MEAF6: variants seen among roughly 807,000 people sequenced by gnomAD.
MEAF6 encodes the protein chromatin modification-related protein MEAF6.
A neutral mutation model predicts 28.9 loss-of-function variants in MEAF6; 15 were observed. That is an observed-to-expected ratio of 0.52 (90% CI 0.35 to 0.80). The LOEUF is 0.80. MEAF6 is among the 30% of genes least tolerant of loss of function. MEAF6 has a pLI of 0.01. For synonymous variants in MEAF6, 97 were observed against 88.7 expected (o/e 1.09, Z -0.53); for missense variants, 178 against 237.5 (o/e 0.75, Z 1.65).
intron 4 of MEAF6, among the ~76,000 whole-genome samples, chr1:37,505,044 C>T (rs941358364): frequency 1.3e-5 from 2 of 151,894 alleles, no homozygotes; most frequent in African/African-American, 4.8e-5. Context: ...CCACCATGCC[C>T]GGCTCATTTT....
chr1:37,501,806 G>A lies in MEAF6; in HGVS notation c.531C>T (p.His177=). ...SHKKRKNKNR[H]RIDLKLNKKP... ...GGGGTGGGATCCCTGCCACTGACCT[G>A]TGCCGGTTTTTATTCTTTCGCTTTT... is the stretch of plus-strand genomic sequence containing the variant. Residue 177 remains histidine, a splice_region_variant and synonymous_variant, in exon 5 of 7, where the codon CAC becomes CAT. Transcript: ENST00000296214. 2 of 1,583,118 alleles carry A rather than the reference G, an allele frequency of 1.3e-6. No individual in the cohort carries two copies. The highest frequency in any genetic ancestry group is 1.3e-5 in the African/African-American group (1 of 74,514).
At chr1:37,504,193 G>C (rs115947878) in intron 4 of MEAF6, among the ~76,000 whole-genome samples, 7,755 of 152,192 alleles carry the variant, frequency 0.051, 290 homozygotes, top group Non-Finnish European at 0.077. Context: ...ACTGCCTTGT[G>C]AAGAAGGTGC....
chr1:37,499,508 C>T (rs544661106), intron 5 of MEAF6, among the ~76,000 whole-genome samples: 1 of 152,232 alleles, frequency 6.6e-6, no homozygotes, highest in East Asian at 1.9e-4. Context: ...CTTAACTGAC[C>T]GCTCGTGTGC....
At chr1:37,501,018 C>G (rs1161167556) in intron 5 of MEAF6, 1 of 154,166 alleles carries the variant, frequency 6.5e-6, no homozygotes, top group Non-Finnish European at 1.5e-5. Flanking sequence ...ACTCCTTACT[C>G]TAGAAACCGG....
intron 2 of MEAF6, among the ~76,000 whole-genome samples, chr1:37,512,019 GAC>G (rs1260638498): frequency 6.6e-6 from 1 of 152,144 alleles, no homozygotes; most frequent in African/African-American, 2.4e-5. Context: ...GGTAATTACT[GAC>G]ACATTTAGGT....
chr1:37,513,672 A>G, intron 1 of MEAF6, 134 bp from the exon 2 acceptor site: 1 of 710,200 alleles, frequency 1.4e-6, no homozygotes, highest in South Asian at 1.6e-5. Flanking sequence ...GAGAGATGGA[A>G]GATACGGGGA....
chr1:37,490,485 C>T lies in MEAF6; in HGVS notation c.*3614G>A, dbSNP rs552331098. ...ACAAAGAAGCACAATCCTGCTCTCTCCCCACACTTCACATAAACCAGTATA... is the reference window on the plus strand; with the variant it reads ...ACAAAGAAGCACAATCCTGCTCTCTTCCCACACTTCACATAAACCAGTATA... On this transcript the variant is annotated 3_prime_UTR_variant, in exon 7 of 7. Coordinates refer to ENST00000296214, the MANE Select transcript of MEAF6 (RefSeq NM_001270875.3). Among the ~76,000 whole-genome samples the T allele has an allele frequency of 6.6e-6, 1 of 152,236 alleles. No homozygotes were observed. The highest frequency in any genetic ancestry group is 1.9e-4 in the East Asian group (1 of 5,176).
rs1192450208 is a variant in MEAF6, at chr1:37,492,359, G to A, written c.*1740C>T. ...TCAAAAATATTTTAAGGTCTGCTGT[G>A]TGCTTTCCCCAAAAGGAAGGAAACT... On this transcript the variant is annotated 3_prime_UTR_variant, in exon 7 of 7. Coordinates refer to ENST00000296214, the MANE Select transcript of MEAF6 (RefSeq NM_001270875.3). Among the ~76,000 whole-genome samples the A allele has an allele frequency of 6.6e-6, 1 of 151,798 alleles. No individual in the cohort carries two copies. The highest frequency in any genetic ancestry group is 1.9e-4 in the East Asian group (1 of 5,190).
intron 4 of MEAF6, among the ~76,000 whole-genome samples, chr1:37,506,674 C>T (rs2148079181): frequency 6.6e-6 from 1 of 152,274 alleles, no homozygotes; most frequent in African/African-American, 2.4e-5. Flanking sequence ...TGAGCCATCT[C>T]GCCAGCCTTT....
chr1:37,500,279 A>G lies in MEAF6; in HGVS notation c.533+1525T>C, dbSNP rs1642257318. 4.8e-5 allele frequency among the ~76,000 whole-genome samples: 3 copies of G among 61,960 alleles called. No homozygotes were observed. The South Asian group carries it at 1.2e-3, about 26-fold the overall frequency. The allele number at this position is 61,960 out of a possible 152,430, so 40.6% of individuals were successfully genotyped here. A position where few individuals can be genotyped will look rare whatever the true frequency, so the allele number is the denominator to read the frequency against. On this transcript the variant is annotated intron_variant, in intron 5 of 6. Coordinates refer to ENST00000296214, the MANE Select transcript of MEAF6 (RefSeq NM_001270875.3). ...CACTGCACTCCAGCCTGGGTGACAG[A>G]GCAAGACTGTCTGAAAAAAATAAAA...
chr1:37,513,156 A>C (rs1642722127), intron 2 of MEAF6, among the ~76,000 whole-genome samples: 1 of 152,210 alleles, frequency 6.6e-6, no homozygotes, highest in African/African-American at 2.4e-5. Context: ...TGTGTAAAAA[A>C]TTTAATAGAA....
intron 4 of MEAF6, among the ~76,000 whole-genome samples, chr1:37,506,450 C>T (rs1442529230): frequency 6.6e-6 from 1 of 152,198 alleles, no homozygotes; most frequent in African/African-American, 2.4e-5. Flanking sequence ...ACAATCACTG[C>T]AGCCTTGACC....
intron 4 of MEAF6, among the ~76,000 whole-genome samples, chr1:37,505,037 C>T (rs1273036175): frequency 6.6e-6 from 1 of 151,978 alleles, no homozygotes; most frequent in Non-Finnish European, 1.5e-5. Flanking sequence ...GCACCCACCA[C>T]CATGCCCGGC....
intron 5 of MEAF6, among the ~76,000 whole-genome samples, chr1:37,497,437 A>T (rs1642159274): frequency 6.6e-6 from 1 of 152,146 alleles, no homozygotes; most frequent in African/African-American, 2.4e-5. Flanking sequence ...AAAAGCCCAA[A>T]GTTGAATGAA....
chr1:37,495,469 G>C (rs185470373), intron 6 of MEAF6, among the ~76,000 whole-genome samples: 1 of 151,530 alleles, frequency 6.6e-6, no homozygotes, highest in Non-Finnish European at 1.5e-5. Context: ...TTGGGAGGCT[G>C]GGGTAGGAGG....
At position 37,508,155 on chromosome 1, in the gene MEAF6, T is replaced by C. The variant is rs1413412927; in HGVS notation, c.340+1123A>G. Among the ~76,000 whole-genome samples the C allele has an allele frequency of 3.3e-5, 5 of 152,116 alleles. No individual in the cohort carries two copies. The South Asian group carries it at 6.2e-4, about 19-fold the overall frequency. On this transcript the variant is annotated intron_variant, in intron 4 of 6. Transcript: ENST00000296214. ...AAATCTATAACCCATCCCTGGAAAT[T>C]AGACTGTATGGCTTATGTATAAAAA... is the stretch of plus-strand genomic sequence containing the variant.
Position 37,493,759 on chromosome 1 carries a change from T to C in MEAF6, c.*340A>G, listed in dbSNP as rs904979157. ...ATAAAACAAAACCAGAGAACATTTC[T>C]TGAAGGGTATCACAGATGAAGCTGG... On this transcript the variant is annotated 3_prime_UTR_variant, in exon 7 of 7. Transcript: ENST00000296214. The C allele has an allele frequency of 3.9e-6, 6 of 1,547,512 alleles. No individual in the cohort carries two copies. Among genetic ancestry groups the C allele is most frequent in the Non-Finnish European group, 5.2e-6 (6 of 1,144,536 alleles).
At chr1:37,507,320 CAAAAAA>C (rs34471655) in intron 4 of MEAF6, among the ~76,000 whole-genome samples, 2 of 137,726 alleles carry the variant, frequency 1.5e-5, no homozygotes, top group African/African-American at 5.5e-5. Context: ...AACTCTGCCT[CAAAAAA>C]AAAAAAAAGA....
chr1:37,509,586 A>T, intron 2 of MEAF6, 44 bp from the exon 3 acceptor site: 1 of 1,554,622 alleles, frequency 6.4e-7, no homozygotes, highest in East Asian at 2.2e-5. Context: ...AGCTATGTCT[A>T]TGGCTCAAGC....
Sources: gnomAD v4.1 joint callset for allele counts (sites outside exome capture counted in the v4.1 genomes callset) on GRCh38, gnomAD v4.1.1 for gene constraint, MANE v1.5 for transcripts, NCBI Gene and HGNC (gene_info 2026-07-23, HGNC 2026-07-21) for gene names.